The following IFNG-AS1 variants were observed in gnomAD, a reference collection of about 807,000 sequenced individuals.
IFNG-AS1 encodes IFNG antisense RNA 1 (non-protein coding).
intron 2 of IFNG-AS1, among the ~76,000 whole-genome samples, chr12:67,996,300 T>A (rs1179147538): frequency 2.6e-5 from 4 of 152,226 alleles, no homozygotes; most frequent in Non-Finnish European, 4.4e-5. Context: ...AGAGGCCATG[T>A]GAATGAGTTT....
At chr12:68,018,196 G>A (rs975898565) in intron 3 of IFNG-AS1, among the ~76,000 whole-genome samples, 7 of 152,028 alleles carry the variant, frequency 4.6e-5, no homozygotes, top group Non-Finnish European at 7.4e-5. Flanking sequence ...ACATGGGTTA[G>A]AGTTATTTAT....
At chr12:68,012,092 G>A (rs1329169463) in intron 3 of IFNG-AS1, among the ~76,000 whole-genome samples, 1 of 152,158 alleles carries the variant, frequency 6.6e-6, no homozygotes, top group Admixed American at 6.5e-5. Context: ...TGGAAATGTA[G>A]CACATCCTAC....
At chr12:67,991,869 A>G (rs1325776665) in intron 1 of IFNG-AS1, among the ~76,000 whole-genome samples, 1 of 152,238 alleles carries the variant, frequency 6.6e-6, no homozygotes, top group African/African-American at 2.4e-5. Context: ...GAAATAGCTC[A>G]AGGATAGAGA....
intron 3 of IFNG-AS1, among the ~76,000 whole-genome samples, chr12:68,011,310 T>C (rs1384794912): frequency 6.6e-6 from 1 of 152,218 alleles, no homozygotes; most frequent in Non-Finnish European, 1.5e-5. Context: ...AAACTGTGGG[T>C]TGTGGTTCAA....
intron 2 of IFNG-AS1, among the ~76,000 whole-genome samples, chr12:68,003,677 G>A (rs1879834888): frequency 6.6e-6 from 1 of 152,142 alleles, no homozygotes; most frequent in Non-Finnish European, 1.5e-5. Flanking sequence ...CACTTTGGGA[G>A]GCCAAGGCGG....
chr12:67,998,437 C>CA lies in IFNG-AS1; in HGVS notation n.184+2374dup, dbSNP rs544611785. The stretch of plus-strand genomic sequence containing the variant: ...GTGTCAACTTCTATGAAAGAGAGAC[C>CA]AAAAAAAAAAGAAAAAGAAAAAGAA... On this transcript the variant is annotated intron_variant and non_coding_transcript_variant, in intron 2 of 5. Transcript: ENST00000536914. Among the ~76,000 whole-genome samples, 284 of 129,128 alleles carry CA rather than the reference C, an allele frequency of 2.2e-3. 2 individuals are homozygous for CA. The Middle Eastern group carries it at 0.032, about 15-fold the overall frequency. The allele number at this position is 129,128 out of a possible 152,430, so 84.7% of individuals were successfully genotyped here. A position where few individuals can be genotyped will look rare whatever the true frequency, so the allele number is the denominator to read the frequency against.
At chr12:68,019,133 C>T (rs1880226828) in intron 3 of IFNG-AS1, among the ~76,000 whole-genome samples, 1 of 152,098 alleles carries the variant, frequency 6.6e-6, no homozygotes, top group South Asian at 2.1e-4. Flanking sequence ...ATGGACACAA[C>T]AGGAGGTAGT....
In IFNG-AS1 at chr12:68,001,794, C is replaced by T. The variant is rs1044712204; in HGVS notation, n.185-4296C>T. Among the ~76,000 whole-genome samples, 4 of 152,120 alleles carry T rather than the reference C, an allele frequency of 2.6e-5. No individual in the cohort carries two copies. In the South Asian group the frequency reaches 6.2e-4, roughly 24 times the overall value. On this transcript the variant is annotated intron_variant and non_coding_transcript_variant, in intron 2 of 5. Coordinates refer to ENST00000536914, the Ensembl canonical transcript of IFNG-AS1. ...GCTATTTCAAAAAATGAACTCAAAC[C>T]CTAACCTGAACCAGAACACAGACCT... is the stretch of plus-strand genomic sequence containing the variant.
At chr12:67,990,824 C>A (rs911630307) in intron 1 of IFNG-AS1, among the ~76,000 whole-genome samples, 2 of 152,182 alleles carry the variant, frequency 1.3e-5, no homozygotes, top group Middle Eastern at 3.4e-3. Flanking sequence ...AAACTCCTGA[C>A]CTCGTGATCC....
intron 3 of IFNG-AS1, among the ~76,000 whole-genome samples, chr12:68,006,315 C>A (rs1436702464): frequency 1.3e-5 from 2 of 152,170 alleles, no homozygotes; most frequent in African/African-American, 4.8e-5. Context: ...TTTATTTATG[C>A]TATCAACCTT....
At chr12:68,010,162 C>T (rs1042079978) in intron 3 of IFNG-AS1, among the ~76,000 whole-genome samples, 13 of 152,210 alleles carry the variant, frequency 8.5e-5, no homozygotes, top group African/African-American at 2.7e-4. Context: ...CATTGATAAG[C>T]TTGATGCTGT....
At chr12:67,993,969 G>C (rs909530933) in intron 1 of IFNG-AS1, among the ~76,000 whole-genome samples, 2 of 152,168 alleles carry the variant, frequency 1.3e-5, no homozygotes, top group Non-Finnish European at 2.9e-5. Context: ...TTGCATAAAG[G>C]GCAGAGGGTC....
At chr12:68,007,756 G>A (rs569382735) in intron 3 of IFNG-AS1, among the ~76,000 whole-genome samples, 56 of 152,272 alleles carry the variant, frequency 3.7e-4, no homozygotes, top group African/African-American at 1.3e-3. Flanking sequence ...CTTTTGGGAA[G>A]GCTACTTAGC....
At chr12:68,004,793 T>C (rs975581481) in intron 2 of IFNG-AS1, among the ~76,000 whole-genome samples, 6 of 152,144 alleles carry the variant, frequency 3.9e-5, no homozygotes, top group African/African-American at 1.4e-4. Flanking sequence ...ACGGTCTTTT[T>C]TCCCCAAGTG....
intron 1 of IFNG-AS1, among the ~76,000 whole-genome samples, chr12:67,993,921 G>A (rs1043183981): frequency 6.6e-6 from 1 of 152,166 alleles, no homozygotes; most frequent in Non-Finnish European, 1.5e-5. Flanking sequence ...ATTTAGACAT[G>A]TACAAGTATG....
intron 4 of IFNG-AS1, chr12:68,020,596 G>A (rs1312737551): frequency 6.6e-6 from 1 of 152,168 alleles, no homozygotes; most frequent in Non-Finnish European, 1.5e-5. Flanking sequence ...TTTCAGACAT[G>A]CAAAGAAATG....
At chr12:67,995,740 A>G (rs1216529436) in intron 1 of IFNG-AS1, among the ~76,000 whole-genome samples, 2 of 151,900 alleles carry the variant, frequency 1.3e-5, no homozygotes, top group Non-Finnish European at 2.9e-5. Flanking sequence ...AAAAAAAAGA[A>G]AAGAAAAGAA....
At chr12:67,992,194 T>C (rs1565685668) in intron 1 of IFNG-AS1, among the ~76,000 whole-genome samples, 3 of 152,262 alleles carry the variant, frequency 2.0e-5, no homozygotes, top group Admixed American at 1.3e-4. Flanking sequence ...CTAGATGTTA[T>C]ATGAATGGTA....
At chr12:68,001,851 AC>A (rs1370813173) in intron 2 of IFNG-AS1, among the ~76,000 whole-genome samples, 1 of 152,186 alleles carries the variant, frequency 6.6e-6, no homozygotes, top group Non-Finnish European at 1.5e-5. Flanking sequence ...TGCTACTGAA[AC>A]ATACCAGGAG....
Sources: allele counts gnomAD v4.1 joint callset (sites outside exome capture counted in the v4.1 genomes callset), GRCh38; gene constraint gnomAD v4.1.1; transcripts MANE v1.5; gene names NCBI Gene and HGNC (gene_info 2026-07-23, HGNC 2026-07-21).